Variants in GABRB2 observed in about 807,000 individuals in gnomAD.
GABRB2 encodes the protein gamma-aminobutyric acid type A receptor subunit beta2.
In GABRB2, 16 loss-of-function variants were observed where a neutral mutation model predicts 54.7. The ratio of observed to expected loss-of-function variants is 0.29; its 90% CI spans 0.20 to 0.44. The LOEUF is 0.44. GABRB2 is among the 20% of genes least tolerant of loss of function. The pLI is 1.00. For missense variants in GABRB2, 355 were observed against 644.0 expected (o/e 0.55, Z 4.86); for synonymous variants, 244 against 233.8 (o/e 1.04, Z -0.40).
intron 5 of GABRB2, among the ~76,000 whole-genome samples, chr5:161,390,075 G>A (rs146243114): frequency 6.6e-6 from 1 of 151,984 alleles, no homozygotes; most frequent in Admixed American, 6.6e-5. Context: ...TTTCAAGAAA[G>A]TGTGAAATCA....
At chr5:161,315,039 T>G (rs1411069713) in intron 9 of GABRB2, among the ~76,000 whole-genome samples, 2 of 152,138 alleles carry the variant, frequency 1.3e-5, no homozygotes, top group African/African-American at 4.8e-5. Flanking sequence ...TCTAGTAATA[T>G]GGTAGAAGTA....
At chr5:161,463,434 C>T (rs1381078624) in intron 3 of GABRB2, among the ~76,000 whole-genome samples, 1 of 150,414 alleles carries the variant, frequency 6.6e-6, no homozygotes, top group Non-Finnish European at 1.5e-5. Context: ...TGTTGATACT[C>T]TCTAAATTGG....
intron 4 of GABRB2, among the ~76,000 whole-genome samples, chr5:161,438,350 C>T (rs181245431): frequency 1.9e-4 from 29 of 152,260 alleles, no homozygotes; most frequent in Admixed American, 7.2e-4. Flanking sequence ...ACTTGAGGTG[C>T]TCCCTCAAAC....
At chr5:161,415,149 G>A (rs1211217937) in intron 4 of GABRB2, among the ~76,000 whole-genome samples, 1 of 152,142 alleles carries the variant, frequency 6.6e-6, no homozygotes, top group Admixed American at 6.5e-5. Flanking sequence ...CATTATGCAG[G>A]TATCCTGATT....
At chr5:161,476,246 A>ATG (rs1758588323) in intron 3 of GABRB2, among the ~76,000 whole-genome samples, 1 of 151,902 alleles carries the variant, frequency 6.6e-6, no homozygotes, top group Admixed American at 6.6e-5. Flanking sequence ...GTAACAAAAG[A>ATG]TGTGTACTCT....
At chr5:161,450,122 C>T (rs568089558) in intron 4 of GABRB2, among the ~76,000 whole-genome samples, 2 of 152,066 alleles carry the variant, frequency 1.3e-5, no homozygotes, top group East Asian at 1.9e-4. Flanking sequence ...TTCTTGGAAG[C>T]GCAGCTGGCT....
chr5:161,427,941 G>A (rs956999107), intron 4 of GABRB2, among the ~76,000 whole-genome samples: 3 of 152,096 alleles, frequency 2.0e-5, no homozygotes, highest in Non-Finnish European at 4.4e-5. Flanking sequence ...TTATTTTTAA[G>A]TGATTAAGAT....
chr5:161,529,455 C>G (rs1431219000), intron 3 of GABRB2, among the ~76,000 whole-genome samples: 1 of 151,874 alleles, frequency 6.6e-6, no homozygotes, highest in Admixed American at 6.6e-5. Context: ...AAATCGGGCC[C>G]AAATCCCAGC....
chr5:161,350,909 C>T (rs530213024), intron 5 of GABRB2, among the ~76,000 whole-genome samples: 39 of 152,090 alleles, frequency 2.6e-4, no homozygotes, highest in African/African-American at 5.5e-4. Context: ...GGTCACAGAC[C>T]GAAGGCTGCA....
At chr5:161,334,629 T>C (rs1753938906) in intron 7 of GABRB2, 123 bp downstream of exon 7, 1 of 908,782 alleles carries the variant, frequency 1.1e-6, no homozygotes, top group Non-Finnish European at 1.7e-6. Flanking sequence ...GCGAAACTCT[T>C]ACAGTGTGAG....
chr5:161,407,684 C>CAG (rs1451927252), intron 5 of GABRB2, among the ~76,000 whole-genome samples: 1 of 151,990 alleles, frequency 6.6e-6, no homozygotes, highest in Non-Finnish European at 1.5e-5. Context: ...CTAAAAGTTT[C>CAG]AGAGAGAGAT....
chr5:161,349,710 G>A (rs929289163), intron 5 of GABRB2, among the ~76,000 whole-genome samples: 2 of 152,040 alleles, frequency 1.3e-5, no homozygotes, highest in Non-Finnish European at 2.9e-5. Context: ...GGAAACTGAG[G>A]GAGCTCTCCA....
In GABRB2 at chr5:161,541,520, C is replaced by T. The variant is rs148604179; in HGVS notation, c.237+3707G>A. Among the ~76,000 whole-genome samples the T allele has an allele frequency of 8.5e-4, 130 of 152,312 alleles. 1 individual carries two copies. The highest frequency in any genetic ancestry group is 2.9e-3 in the African/African-American group (121 of 41,570). ...AATAGCCAGCCATCTTCACTGATTA[C>T]CTTGCATCTTCTGCATAAATTGCTG... On this transcript the variant is annotated intron_variant, in intron 3 of 9. Coordinates refer to ENST00000393959, the MANE Select transcript of GABRB2 (RefSeq NM_001371727.1).
intron 4 of GABRB2, among the ~76,000 whole-genome samples, chr5:161,422,773 A>G (rs1453208089): frequency 2.0e-5 from 3 of 152,166 alleles, no homozygotes; most frequent in African/African-American, 4.8e-5. Flanking sequence ...TATGCATGGG[A>G]TACTAACATT....
At chr5:161,335,439 T>C (rs976214999) in intron 6 of GABRB2, among the ~76,000 whole-genome samples, 4 of 152,152 alleles carry the variant, frequency 2.6e-5, no homozygotes, top group African/African-American at 4.8e-5. Context: ...TCTAAAAGTA[T>C]ACCTTATCAA....
chr5:161,482,001 C>G (rs1758777292), intron 3 of GABRB2, among the ~76,000 whole-genome samples: 1 of 151,976 alleles, frequency 6.6e-6, no homozygotes, highest in South Asian at 2.1e-4. Flanking sequence ...AAAATTGAAA[C>G]CCTGAAACTT....
intron 5 of GABRB2, among the ~76,000 whole-genome samples, chr5:161,394,623 A>G (rs185637491): frequency 6.6e-5 from 10 of 152,210 alleles, no homozygotes; most frequent in Admixed American, 4.6e-4. Context: ...TTGAGAACTA[A>G]AATGTACTAA....
intron 9 of GABRB2, among the ~76,000 whole-genome samples, chr5:161,299,434 G>A (rs929641566): frequency 1.3e-5 from 2 of 152,152 alleles, no homozygotes; most frequent in African/African-American, 4.8e-5. Flanking sequence ...CTAGAAGTGA[G>A]TGGCCCCAAA....
At chr5:161,543,182 A>G (rs545971971) in intron 3 of GABRB2, among the ~76,000 whole-genome samples, 1 of 152,284 alleles carries the variant, frequency 6.6e-6, no homozygotes, top group East Asian at 1.9e-4. Flanking sequence ...GCACTTCAAC[A>G]TCTCATGATT....
Sources: gnomAD v4.1 joint callset for allele counts (sites outside exome capture counted in the v4.1 genomes callset) on GRCh38, gnomAD v4.1.1 for gene constraint, MANE v1.5 for transcripts, NCBI Gene and HGNC (gene_info 2026-07-23, HGNC 2026-07-21) for gene names.